Variants in NDST2 observed in about 807,000 individuals in gnomAD.
NDST2 encodes N-deacetylase and N-sulfotransferase 2, also known as bifunctional heparan sulfate N-deacetylase/N-sulfotransferase 2.
NDST2 carries 32 observed loss-of-function variants against 86.9 expected under a neutral mutation model. The ratio of observed to expected loss-of-function variants is 0.37; its 90% CI spans 0.28 to 0.49. The LOEUF is 0.49. Ranked by LOEUF, NDST2 falls within the 20% of genes least tolerant of loss-of-function variation. The pLI, the probability that NDST2 is intolerant of heterozygous loss-of-function variation, is 0.97. For synonymous variants in NDST2, 409 were observed against 437.0 expected (o/e 0.94, Z 0.80); for missense variants, 950 against 1,146.9 (o/e 0.83, Z 2.48).
At chr10:73,809,289 G>A (rs1207340426) in intron 2 of NDST2, among the ~76,000 whole-genome samples, 1 of 152,220 alleles carries the variant, frequency 6.6e-6, no homozygotes, top group African/African-American at 2.4e-5. Flanking sequence ...TGGTGGGGGA[G>A]TTCAAAAGGA....
At position 73,808,190 on chromosome 10, in the gene NDST2, G is replaced by T; in HGVS notation, c.199C>A (p.Arg67=). The T allele has an allele frequency of 6.2e-7, 1 of 1,613,846 alleles. No individual in the cohort carries two copies. The highest frequency in any genetic ancestry group is 1.3e-5 in the African/African-American group (1 of 75,046). The change falls in exon 3 of 15, where the codon CGG becomes AGG. Residue 67 remains arginine (R), a synonymous_variant. Transcript: ENST00000309979. This position sits in a 1 kb window ranked among gnomAD's most constrained non-coding sequence, Gnocchi z 4.3. ...SGGAAGPGPA[R]PPVPPRPPRP... ...GGGGGCCGAGGTGGAACTGGAGGCC[G>T]TGCAGGGCCAGGACCAGCTGCCCCA... is the stretch of plus-strand genomic sequence containing the variant.
intron 8 of NDST2, among the ~76,000 whole-genome samples, 185 bp from the exon 9 acceptor site, chr10:73,805,054 AC>A (rs375083847): frequency 2.2e-4 from 34 of 151,994 alleles, no homozygotes; most frequent in African/African-American, 7.5e-4. Flanking sequence ...GCAATGTGCC[AC>A]CATGTCCGGC....
chr10:73,805,444 G>C, intron 8 of NDST2, 143 bp downstream of exon 8: 2 of 756,812 alleles, frequency 2.6e-6, no homozygotes, highest in Non-Finnish European at 4.2e-6. Context: ...AACCTGGGAG[G>C]TGGAGGTTGC....
chr10:73,807,020 T>C, intron 4 of NDST2, 88 bp downstream of exon 4: 1 of 1,472,966 alleles, frequency 6.8e-7, no homozygotes, highest in Non-Finnish European at 9.5e-7. Context: ...ACCTTGACCC[T>C]TTTCTTCAAC....
At position 73,806,095 on chromosome 10, in the gene NDST2, G is replaced by A; in HGVS notation, c.1435-67C>T. ...ATGAGAAGTAGATGGAGGACACTGG[G>A]ATTTATAGAGGACTGAGTCTGAAGT... On this transcript the variant is annotated intron_variant, in intron 6 of 14. Transcript: ENST00000309979. This position sits in a 1 kb window ranked among gnomAD's most constrained non-coding sequence, Gnocchi z 4.5. The A allele has an allele frequency of 1.9e-6, 3 of 1,586,096 alleles. No homozygotes were observed. Among genetic ancestry groups the A allele is most frequent in the East Asian group, 2.2e-5 (1 of 44,722 alleles).
Position 73,802,727 on chromosome 10 carries a change from T to C in NDST2, c.2473A>G (p.Thr825Ala), listed in dbSNP as rs774024685. 4 of 1,613,966 alleles carry C rather than the reference T, an allele frequency of 2.5e-6. No individual in the cohort carries two copies. The highest frequency in any genetic ancestry group is 2.7e-5 in the African/African-American group (2 of 74,870). ...FWCQGLEGGK[T>A]RCLGRSKGRR... ...CCTTTGCTCCGGCCTAGACAGCGAG[T>C]CTTACCACCTTCAAGTCCCTGGCAC... Residue 825 changes from threonine to alanine, a missense_variant, in exon 14 of 15, where the codon ACT (threonine) becomes GCT (alanine). This residue lies in a region of NDST2 where 303 missense variants were observed against 323.7 expected (regional missense o/e 0.94). Coordinates refer to ENST00000309979, the MANE Select transcript of NDST2 (RefSeq NM_003635.4).
intron 2 of NDST2, among the ~76,000 whole-genome samples, chr10:73,809,294 A>G (rs1287442533): frequency 6.6e-6 from 1 of 152,240 alleles, no homozygotes; most frequent in East Asian, 1.9e-4. Flanking sequence ...GGGGAGTTCA[A>G]AAGGAAAGAG....
At position 73,807,109 on chromosome 10, in the gene NDST2, A is replaced by G; in HGVS notation, c.1092T>C (p.Thr364=). ...NLGFSGKFYH[T]GTEEEDAGDD... ...AAAGGAGTAGGGGTATAAGCTCACC[A>G]GTATGATAGAACTTGCCCGAGAAGC... Residue 364 remains threonine, a splice_region_variant and synonymous_variant, in exon 4 of 15, where the codon ACT becomes ACC. Transcript: ENST00000309979. 6.2e-7 allele frequency: 1 copy of G among 1,613,436 alleles called. No homozygotes were observed. Among genetic ancestry groups the G allele is most frequent in the Non-Finnish European group, 8.5e-7 (1 of 1,179,418 alleles).
intron 1 of NDST2, among the ~76,000 whole-genome samples, 195 bp from the exon 2 acceptor site, chr10:73,811,098 G>A (rs955020689): frequency 1.3e-5 from 2 of 152,032 alleles, no homozygotes; most frequent in African/African-American, 2.4e-5. Context: ...CGCGGAGGCT[G>A]CGGGCGCCGA....
intron 11 of NDST2, 55 bp downstream of exon 11, chr10:73,803,519 T>TGGGCTG: frequency 3.5e-6 from 2 of 565,894 alleles, no homozygotes; most frequent in Non-Finnish European, 6.8e-6. Context: ...GCAGTCACTG[T>TGGGCTG]CCCCTCCCCC....
At chr10:73,810,948 G>T (rs2084203609) in intron 1 of NDST2, 45 bp from the exon 2 acceptor site, 1 of 398,616 alleles carries the variant, frequency 2.5e-6, no homozygotes. Flanking sequence ...CGGGAGCGCC[G>T]CAGGCCGGGC....
chr10:73,803,725 G>A lies in NDST2; in HGVS notation c.1991C>T (p.Pro664Leu). 1 of 1,614,096 alleles carries A rather than the reference G, an allele frequency of 6.2e-7. No individual in the cohort carries two copies. The highest frequency in any genetic ancestry group is 8.5e-7 in the Non-Finnish European group (1 of 1,180,022). ...IDWYMDFFPV[P>L]SNASTDFLFE... ...TAGGAAATCAGTGCTGGCATTGGAA[G>A]GAACAGGGAAGAAATCCATGTACCT... The change falls in exon 11 of 15, where the codon CCT becomes CTT. Residue 664 changes from proline (P) to leucine (L), a missense_variant. Pro to Leu is a moderately conservative substitution (Grantham distance 98). This residue lies in a region of NDST2 where 303 missense variants were observed against 323.7 expected (regional missense o/e 0.94). Coordinates refer to ENST00000309979, the MANE Select transcript of NDST2 (RefSeq NM_003635.4).
intron 2 of NDST2, among the ~76,000 whole-genome samples, chr10:73,809,689 G>A (rs190586853): frequency 2.0e-4 from 30 of 152,316 alleles, no homozygotes; most frequent in Admixed American, 4.6e-4. Context: ...AAGGAAAAAG[G>A]ACAGTGTGAT....
chr10:73,807,937 G>C lies in NDST2; in HGVS notation c.452C>G (p.Ala151Gly), dbSNP rs1589615756. 2 of 1,614,226 alleles carry C rather than the reference G, an allele frequency of 1.2e-6. No homozygotes were observed. Residue 151 changes from alanine to glycine, a missense_variant, in exon 3 of 15, where the codon GCC becomes GGC. Ala to Gly is a moderately conservative substitution (Grantham distance 60). This residue lies in a region of NDST2 where 586 missense variants were observed against 714.0 expected (regional missense o/e 0.82). Transcript: ENST00000309979. The part of the protein sequence containing the change: ...ENLLKYVNLD[A>G]WSRELLDRYC... ...CCGGTCTAGCAGTTCCCGACTCCAG[G>C]CATCCAGGTTGACATACTTGAGCAG...
intron 1 of NDST2, 147 bp from the exon 2 acceptor site, chr10:73,811,050 G>A (rs2084215252): frequency 5.1e-6 from 2 of 389,480 alleles, no homozygotes; most frequent in Admixed American, 4.5e-5. Context: ...CCGGGGCCGG[G>A]CCCGGGCTTG....
Position 73,801,964 on chromosome 10 carries a change from T to C in NDST2, c.*487A>G. 2.6e-6 allele frequency: 1 copy of C among 380,586 alleles called. No individual in the cohort carries two copies. The highest frequency in any genetic ancestry group is 2.2e-5 in the South Asian group (1 of 45,260). 23.6% of individuals were successfully genotyped at this position (380,586 alleles called of 1,614,324 possible). Reference sequence around the variant, plus strand: ...GACATTTCTAGCCCACAGCTAGGGCTCATACTCGGCTCTATGAGCCACTGT... The same window carrying C: ...GACATTTCTAGCCCACAGCTAGGGCCCATACTCGGCTCTATGAGCCACTGT... On this transcript the variant is annotated 3_prime_UTR_variant, in exon 15 of 15. Coordinates refer to ENST00000309979, the MANE Select transcript of NDST2 (RefSeq NM_003635.4). This position sits in a 1 kb window ranked among gnomAD's most constrained non-coding sequence, Gnocchi z 4.9.
rs750146186 is a variant in NDST2, at chr10:73,807,205, G to A, written c.1006-10C>T. The A allele has an allele frequency of 2.5e-6, 4 of 1,610,896 alleles. No homozygotes were observed. The Admixed American group carries it at 6.7e-5, about 27-fold the overall frequency. ...GGGTGGTCAACAGAGCCTGGGAAGAGTAGCAGGGACAAGAGAAATCAGGAG... is the reference window on the plus strand; with the variant it reads ...GGGTGGTCAACAGAGCCTGGGAAGAATAGCAGGGACAAGAGAAATCAGGAG... On this transcript the variant is annotated splice_polypyrimidine_tract_variant and intron_variant, in intron 3 of 14. Transcript: ENST00000309979.
Position 73,808,520 on chromosome 10 carries a change from T to G in NDST2, c.-132A>C. Reference sequence around the variant, plus strand: ...GGGACAGGGATTCCCTTGGGGAGTTTCCTTTACGAGGTGGAGACGAGTCCC... The same window carrying G: ...GGGACAGGGATTCCCTTGGGGAGTTGCCTTTACGAGGTGGAGACGAGTCCC... On this transcript the variant is annotated 5_prime_UTR_variant, in exon 3 of 15. Transcript: ENST00000309979. This position sits in a 1 kb window ranked among gnomAD's most constrained non-coding sequence, Gnocchi z 4.3. 2 of 946,706 alleles carry G rather than the reference T, an allele frequency of 2.1e-6. No homozygotes were observed. The highest frequency in any genetic ancestry group is 2.9e-5 in the Admixed American group (1 of 34,062). The allele number at this position is 946,706 out of a possible 1,614,324, so 58.6% of individuals were successfully genotyped here.
intron 8 of NDST2, among the ~76,000 whole-genome samples, 156 bp from the exon 9 acceptor site, chr10:73,805,025 T>C (rs1389864421): frequency 6.6e-6 from 1 of 151,774 alleles, no homozygotes; most frequent in East Asian, 2.0e-4. Flanking sequence ...CTCAGCCTTC[T>C]GAGTAGCTGG....
Sources: gnomAD v4.1 joint callset for allele counts (sites outside exome capture counted in the v4.1 genomes callset) on GRCh38, gnomAD v4.1.1 for gene constraint, gnomAD v4.1.1 regional missense constraint, Gnocchi (gnomAD v3.1) non-coding constraint, MANE v1.5 for transcripts, NCBI Gene and HGNC (gene_info 2026-07-23, HGNC 2026-07-21) for gene names.